Variants in TCF12 observed in about 807,000 individuals in gnomAD.
TCF12 encodes transcription factor 12.
TCF12 carries 45 observed loss-of-function variants against 86.0 expected under a neutral mutation model. That is an observed-to-expected ratio of 0.52 (90% CI 0.41 to 0.67). TCF12 has a LOEUF of 0.67. Ranked by LOEUF, TCF12 falls within the 30% of genes least tolerant of loss-of-function variation. The pLI, the probability that TCF12 is intolerant of heterozygous loss-of-function variation, is 0.00. For synonymous variants in TCF12, 330 were observed against 299.6 expected (o/e 1.10, Z -1.05); for missense variants, 881 against 859.9 (o/e 1.02, Z -0.31).
chr15:57,029,208 C>G (rs1409769347), intron 3 of TCF12, among the ~76,000 whole-genome samples: 1 of 152,040 alleles, frequency 6.6e-6, no homozygotes, highest in Non-Finnish European at 1.5e-5. Context: ...GTTCCAGCAC[C>G]ACTTGTTTGA....
chr15:57,115,270 T>G (rs989773518), intron 5 of TCF12, among the ~76,000 whole-genome samples: 4 of 152,228 alleles, frequency 2.6e-5, no homozygotes, highest in African/African-American at 9.6e-5. Context: ...CATTTATTTA[T>G]GGAGTGAGCT....
chr15:57,168,388 A>G (rs2055060156), intron 6 of TCF12, among the ~76,000 whole-genome samples: 1 of 152,246 alleles, frequency 6.6e-6, no homozygotes, highest in Non-Finnish European at 1.5e-5. Flanking sequence ...CCATTAAGGT[A>G]TCTTTCTGAC....
chr15:57,111,573 T>G (rs1370895302), intron 5 of TCF12, among the ~76,000 whole-genome samples: 3 of 151,300 alleles, frequency 2.0e-5, no homozygotes, highest in African/African-American at 7.3e-5. Flanking sequence ...ATAGGTAGGT[T>G]TGGTTTGTTT....
intron 3 of TCF12, among the ~76,000 whole-genome samples, chr15:56,984,287 TG>T (rs1263671049): frequency 2.7e-5 from 4 of 150,418 alleles, no homozygotes; most frequent in African/African-American, 9.8e-5. Context: ...TGTGTGTGTG[TG>T]TGTGTGAAGG....
At position 57,072,716 on chromosome 15, in the gene TCF12, T is replaced by G. The variant is rs776727905; in HGVS notation, c.222+8893T>G. The G allele has an allele frequency of 5.6e-5, 73 of 1,304,252 alleles. 1 individual carries two copies. In the South Asian group the frequency reaches 8.6e-4, roughly 15 times the overall value. 80.8% of individuals were successfully genotyped at this position (1,304,252 alleles called of 1,614,324 possible). The stretch of plus-strand genomic sequence containing the variant: ...AGACAGAAGGGTCAGAGAATTAAAG[T>G]AAGTGTTTTCTATATATTGCATCTG... On this transcript the variant is annotated intron_variant, in intron 4 of 20. Coordinates refer to ENST00000333725, the MANE Select transcript of TCF12 (RefSeq NM_207037.2).
intron 3 of TCF12, among the ~76,000 whole-genome samples, chr15:57,051,034 A>G (rs2067578053): frequency 6.6e-6 from 1 of 152,228 alleles, no homozygotes; most frequent in Admixed American, 6.5e-5. Flanking sequence ...CCACACATGT[A>G]GTAATTTTTA....
intron 8 of TCF12, among the ~76,000 whole-genome samples, chr15:57,201,350 C>G (rs1481463205): frequency 2.6e-5 from 4 of 152,060 alleles, no homozygotes; most frequent in African/African-American, 9.7e-5. Flanking sequence ...AGAACTAACC[C>G]TACTATAGTG....
chr15:57,027,951 A>C (rs1236185184), intron 3 of TCF12, among the ~76,000 whole-genome samples: 1 of 151,770 alleles, frequency 6.6e-6, no homozygotes, highest in African/African-American at 2.4e-5. Flanking sequence ...CTGTGAGTCC[A>C]TTAAACCTAT....
intron 3 of TCF12, among the ~76,000 whole-genome samples, chr15:56,968,950 T>G (rs2062147492): frequency 6.6e-6 from 1 of 152,226 alleles, no homozygotes; most frequent in Non-Finnish European, 1.5e-5. Context: ...TGCATTCTTT[T>G]GAGTCCTTGG....
chr15:56,938,033 T>C (rs1386967838), intron 3 of TCF12, among the ~76,000 whole-genome samples: 2 of 143,152 alleles, frequency 1.4e-5, no homozygotes, highest in Non-Finnish European at 3.0e-5. Context: ...CTTTTTTTTT[T>C]TCGTTTCTTT....
intron 3 of TCF12, among the ~76,000 whole-genome samples, chr15:57,019,706 C>G (rs961391276): frequency 2.6e-5 from 4 of 152,058 alleles, no homozygotes; most frequent in Admixed American, 1.3e-4. Flanking sequence ...AAAAACATCT[C>G]AAAAGACCAG....
At chr15:57,089,876 G>A (rs1428385766) in intron 4 of TCF12, among the ~76,000 whole-genome samples, 1 of 152,134 alleles carries the variant, frequency 6.6e-6, no homozygotes, top group Non-Finnish European at 1.5e-5. Context: ...CCAGATGTAC[G>A]TGAGATAGTG....
intron 5 of TCF12, among the ~76,000 whole-genome samples, chr15:57,102,598 T>TAA (rs35536385): frequency 7.1e-6 from 1 of 140,152 alleles, no homozygotes. Context: ...ACTCTGTCTT[T>TAA]AAAAAAAAAA....
intron 8 of TCF12, among the ~76,000 whole-genome samples, chr15:57,203,787 C>G (rs893625622): frequency 6.6e-5 from 10 of 152,082 alleles, no homozygotes; most frequent in Non-Finnish European, 1.5e-5. Flanking sequence ...GGCTGTAGTC[C>G]CAAGGCAGGA....
chr15:57,240,014 A>G (rs1448635160), intron 12 of TCF12, among the ~76,000 whole-genome samples: 1 of 152,240 alleles, frequency 6.6e-6, no homozygotes, highest in African/African-American at 2.4e-5. Flanking sequence ...CAGGGAAATG[A>G]AAGAATACTG....
chr15:57,134,930 C>T (rs1467123124), intron 5 of TCF12, among the ~76,000 whole-genome samples: 1 of 151,136 alleles, frequency 6.6e-6, no homozygotes, highest in Non-Finnish European at 1.5e-5. Context: ...CATTCCTCCT[C>T]CTTTTCCTGT....
chr15:57,196,166 A>G (rs1454891748), intron 7 of TCF12, among the ~76,000 whole-genome samples: 9 of 50,174 alleles, frequency 1.8e-4, no homozygotes, highest in African/African-American at 3.3e-4. Context: ...CCACAGATAG[A>G]AAAAAAAAAA....
intron 3 of TCF12, among the ~76,000 whole-genome samples, chr15:56,939,084 A>T (rs566014212): frequency 3.3e-5 from 5 of 151,790 alleles, no homozygotes; most frequent in African/African-American, 1.2e-4. Context: ...TTCACTCTCA[A>T]CCTGCAATAC....
chr15:57,157,585 A>T (rs1474409559), intron 5 of TCF12, among the ~76,000 whole-genome samples: 3 of 138,508 alleles, frequency 2.2e-5, no homozygotes, highest in African/African-American at 8.3e-5. Flanking sequence ...TTTGAGTCGG[A>T]GTCTTGCTAT....
Sources: allele counts gnomAD v4.1 joint callset (sites outside exome capture counted in the v4.1 genomes callset), GRCh38; gene constraint gnomAD v4.1.1; transcripts MANE v1.5; gene names NCBI Gene and HGNC (gene_info 2026-07-23, HGNC 2026-07-21).